Variants in DNER observed in about 807,000 individuals in gnomAD.
DNER encodes the protein delta/notch like EGF repeat containing.
A neutral mutation model predicts 78.2 loss-of-function variants in DNER; 33 were observed. That is an observed-to-expected ratio of 0.42 (90% CI 0.32 to 0.56). DNER has a LOEUF of 0.56. DNER is among the 20% of genes least tolerant of loss of function. The pLI, the probability that DNER is intolerant of heterozygous loss-of-function variation, is 0.11. For missense variants in DNER, 918 were observed against 975.3 expected, an observed-to-expected ratio of 0.94 and a Z score of 0.78; for synonymous variants, 417 against 384.8, an observed-to-expected ratio of 1.08 and a Z score of -0.98.
At chr2:229,406,218 G>C (rs1174488754) in intron 10 of DNER, among the ~76,000 whole-genome samples, 1 of 152,104 alleles carries the variant, frequency 6.6e-6, no homozygotes, top group Admixed American at 6.6e-5. Context: ...GGGGAGAGGT[G>C]GACACAGCAA....
chr2:229,696,440 C>T (rs545301541), intron 1 of DNER, among the ~76,000 whole-genome samples: 7 of 152,282 alleles, frequency 4.6e-5, no homozygotes, highest in South Asian at 4.1e-4. Flanking sequence ...ATAATCTGGA[C>T]GGCCTTGCAT....
chr2:229,637,210 A>G (rs547122945), intron 1 of DNER, among the ~76,000 whole-genome samples: 6 of 152,258 alleles, frequency 3.9e-5, no homozygotes, highest in Non-Finnish European at 8.8e-5. Context: ...TAAAATGGTA[A>G]TACAATATCT....
intron 1 of DNER, among the ~76,000 whole-genome samples, chr2:229,615,701 G>C (rs1559183749): frequency 6.6e-6 from 1 of 151,938 alleles, no homozygotes. Flanking sequence ...AACAAAGCAA[G>C]ACTCTGTCTC....
intron 11 of DNER, among the ~76,000 whole-genome samples, chr2:229,383,112 A>C (rs907312123): frequency 1.3e-5 from 2 of 152,198 alleles, no homozygotes; most frequent in African/African-American, 4.8e-5. Flanking sequence ...AATATTCAAC[A>C]TTCTGAAACA....
chr2:229,411,043 A>C (rs2106345893), intron 9 of DNER, among the ~76,000 whole-genome samples: 1 of 152,264 alleles, frequency 6.6e-6, no homozygotes, highest in Middle Eastern at 3.4e-3. Context: ...TGTGTGTGTC[A>C]CTCAGTCTGC....
intron 1 of DNER, among the ~76,000 whole-genome samples, chr2:229,708,191 T>C (rs933425719): frequency 6.6e-6 from 1 of 152,158 alleles, no homozygotes; most frequent in African/African-American, 2.4e-5. Flanking sequence ...GCAACTGTCG[T>C]TTTTCTCTGC....
rs1185575861 is a variant in DNER at position 229,687,512 on chromosome 2, C to A, written c.276+26636G>T. On this transcript the variant is annotated intron_variant, in intron 1 of 12. Coordinates refer to ENST00000341772, the MANE Select transcript of DNER (RefSeq NM_139072.4). Reference sequence around the variant, plus strand: ...CTCCTGACCTCAAATGATCCACCTACCTCGGCCTCCCAAAGTGCTGGGGGA... The same window carrying A: ...CTCCTGACCTCAAATGATCCACCTAACTCGGCCTCCCAAAGTGCTGGGGGA... 5.3e-5 allele frequency among the ~76,000 whole-genome samples: 8 copies of A among 152,212 alleles called. No homozygotes were observed. In the East Asian group the frequency reaches 1.4e-3, roughly 26 times the overall value.
intron 11 of DNER, among the ~76,000 whole-genome samples, chr2:229,377,531 G>A (rs181810996): frequency 3.3e-4 from 50 of 152,282 alleles, no homozygotes; most frequent in African/African-American, 1.0e-3. Flanking sequence ...AAACTTCACT[G>A]ATGTTCTGTT....
At chr2:229,627,586 A>T (rs1388742831) in intron 1 of DNER, among the ~76,000 whole-genome samples, 1 of 152,238 alleles carries the variant, frequency 6.6e-6, no homozygotes, top group Non-Finnish European at 1.5e-5. Context: ...AGACACAAAG[A>T]TTGCATCAAT....
At chr2:229,578,261 A>G (rs1241909305) in intron 4 of DNER, among the ~76,000 whole-genome samples, 1 of 152,064 alleles carries the variant, frequency 6.6e-6, no homozygotes, top group African/African-American at 2.4e-5. Context: ...TATCACCCTG[A>G]GTCTTCCACA....
intron 4 of DNER, among the ~76,000 whole-genome samples, chr2:229,580,840 C>A (rs766106306): frequency 1.3e-5 from 2 of 152,132 alleles, no homozygotes; most frequent in Non-Finnish European, 2.9e-5. Flanking sequence ...TGGAATTTAG[C>A]AGTTAAAGGA....
chr2:229,436,451 C>T lies in DNER; in HGVS notation c.1486+10865G>A, dbSNP rs113034437. On this transcript the variant is annotated intron_variant, in intron 8 of 12. Coordinates refer to ENST00000341772, the MANE Select transcript of DNER (RefSeq NM_139072.4). ...TTTCAAATTCAGGAAATGCAGAGAA[C>T]ACCTATGAAATACTACAAAAGAAGG... 6.6e-3 allele frequency among the ~76,000 whole-genome samples: 999 copies of T among 152,196 alleles called. 7 individuals are homozygous for T. Among genetic ancestry groups the T allele is most frequent in the African/African-American group, 0.023 (949 of 41,526 alleles).
intron 11 of DNER, among the ~76,000 whole-genome samples, chr2:229,368,240 G>A (rs1692396630): frequency 6.6e-6 from 1 of 152,126 alleles, no homozygotes; most frequent in Non-Finnish European, 1.5e-5. Context: ...GCACATGCCT[G>A]TGGTCCTGGC....
intron 3 of DNER, 139 bp from the exon 4 acceptor site, chr2:229,586,163 C>T (rs1028984281): frequency 1.4e-5 from 15 of 1,047,982 alleles, no homozygotes; most frequent in African/African-American, 4.8e-5. Context: ...TAAACAGATA[C>T]GCGGGCGTCC....
intron 8 of DNER, among the ~76,000 whole-genome samples, chr2:229,439,209 T>C (rs1694186026): frequency 6.6e-6 from 1 of 152,222 alleles, no homozygotes; most frequent in African/African-American, 2.4e-5. Context: ...CACCCATTAT[T>C]CAAGAATGCC....
rs1160032649 is a variant in DNER at position 229,586,019 on chromosome 2, C to T, written c.686G>A (p.Arg229Gln). The T allele has an allele frequency of 6.2e-7, 1 of 1,609,546 alleles. No homozygotes were observed. Among genetic ancestry groups the T allele is most frequent in the East Asian group, 2.2e-5 (1 of 44,762 alleles). ...AATCAGTGAGGCAGTGGCATCTTGCCGAATCCTGGAAACAGGAATGATGTA... is the reference window on the plus strand; with the variant it reads ...AATCAGTGAGGCAGTGGCATCTTGCTGAATCCTGGAAACAGGAATGATGTA... ...EVPQNTSVKI[R>Q]QDATASLILL... The change falls in exon 4 of 13, where the codon CGG becomes CAG. Residue 229 changes from arginine (R) to glutamine (Q), a missense_variant. Transcript: ENST00000341772.
intron 5 of DNER, among the ~76,000 whole-genome samples, chr2:229,526,025 AG>A (rs1399879045): frequency 2.0e-5 from 3 of 152,246 alleles, no homozygotes; most frequent in Non-Finnish European, 4.4e-5. Flanking sequence ...AACAAAAGGC[AG>A]GTTAGATCTA....
chr2:229,493,621 C>T (rs1695445773), intron 6 of DNER, among the ~76,000 whole-genome samples: 1 of 152,166 alleles, frequency 6.6e-6, no homozygotes, highest in Non-Finnish European at 1.5e-5. Context: ...CCCTACCATA[C>T]ACCTGTATGG....
At chr2:229,612,827 G>A (rs371970426) in intron 1 of DNER, among the ~76,000 whole-genome samples, 28 of 152,276 alleles carry the variant, frequency 1.8e-4, no homozygotes, top group Admixed American at 4.6e-4. Context: ...CTACACACAC[G>A]GGGAGAGAGA....
Sources: gnomAD v4.1 joint callset for allele counts (sites outside exome capture counted in the v4.1 genomes callset) on GRCh38, gnomAD v4.1.1 for gene constraint, MANE v1.5 for transcripts, NCBI Gene and HGNC (gene_info 2026-07-23, HGNC 2026-07-21) for gene names.